Variants in ATP11C observed in about 807,000 individuals in gnomAD.
ATP11C encodes the protein ATPase phospholipid transporting 11C (ATP11C blood group), also known as phospholipid-transporting ATPase IG.
In ATP11C, 36 loss-of-function variants were observed where a neutral mutation model predicts 97.4. That is an observed-to-expected ratio of 0.37 (90% CI 0.28 to 0.49). The LOEUF is 0.49. ATP11C is among the 20% of genes least tolerant of loss of function. The pLI, the probability that ATP11C is intolerant of heterozygous loss-of-function variation, is 0.98. For synonymous variants in ATP11C, 275 were observed against 290.9 expected (o/e 0.95, Z 0.56); for missense variants, 730 against 824.6 (o/e 0.89, Z 1.40).
At chrX:139,798,938 G>C (rs963930571) in intron 8 of ATP11C, among the ~76,000 whole-genome samples, 195 bp from the exon 9 acceptor site, 2 of 110,960 alleles carry the variant, frequency 1.8e-5, no homozygotes, top group African/African-American at 6.6e-5. Context: ...AGCACAGATG[G>C]AAGCACAGTA....
At chrX:139,803,362 C>A (rs1174086332) in intron 6 of ATP11C, among the ~76,000 whole-genome samples, 1 of 111,375 alleles carries the variant, frequency 9.0e-6, no homozygotes, top group Non-Finnish European at 1.9e-5. Flanking sequence ...TTCTTTTTTA[C>A]ATACTGAGTC....
rs780866932 is a variant in ATP11C at position 139,880,331 on chromosome X, G to A, written c.27+51685C>T. Reference sequence around the variant, plus strand: ...GTGATTTCAGATTTGGACATAGTGAGTATGAGATGTCTTTGGGAATTCAAA... The same window carrying A: ...GTGATTTCAGATTTGGACATAGTGAATATGAGATGTCTTTGGGAATTCAAA... On this transcript the variant is annotated intron_variant, in intron 1 of 29. Transcript: ENST00000682941. Among the ~76,000 whole-genome samples, 3 of 111,899 alleles carry A rather than the reference G, an allele frequency of 2.7e-5. No individual in the cohort carries two copies. In the Admixed American group the frequency reaches 2.9e-4, roughly 11 times the overall value.
At chrX:139,821,088 T>C (rs2083400118) in intron 2 of ATP11C, among the ~76,000 whole-genome samples, 1 of 111,436 alleles carries the variant, frequency 9.0e-6, no homozygotes, top group Non-Finnish European at 1.9e-5. Context: ...CCTTTCAGTT[T>C]AAAAAGGCTT....
intron 1 of ATP11C, among the ~76,000 whole-genome samples, chrX:139,924,386 T>G (rs895488465): frequency 8.9e-6 from 1 of 112,191 alleles, no homozygotes; most frequent in Non-Finnish European, 1.9e-5. Context: ...GCTGTACTGC[T>G]GATTAGCTTA....
At position 139,758,652 on chromosome X, in the gene ATP11C, T is replaced by C. The variant is rs142367941; in HGVS notation, c.2641-785A>G. ...TGTGATTATAAAATACTGAAAGTAATGTCTTTAAGCAAAACTACCAGCACG... is the reference window on the plus strand; with the variant it reads ...TGTGATTATAAAATACTGAAAGTAACGTCTTTAAGCAAAACTACCAGCACG... On this transcript the variant is annotated intron_variant, in intron 22 of 29. Coordinates refer to ENST00000682941, the MANE Select transcript of ATP11C (RefSeq NM_001353812.2). Among the ~76,000 whole-genome samples, 649 of 112,290 alleles carry C rather than the reference T, an allele frequency of 5.8e-3. 2 individuals carry two copies. Among genetic ancestry groups the C allele is most frequent in the Non-Finnish European group, 9.4e-3 (501 of 53,283 alleles).
intron 1 of ATP11C, among the ~76,000 whole-genome samples, chrX:139,898,711 C>T (rs112503902): frequency 2.3e-4 from 26 of 112,015 alleles, no homozygotes; most frequent in African/African-American, 8.4e-4. Context: ...CAACTGCATA[C>T]ACCTGTCTCC....
chrX:139,892,709 G>A (rs185390633), intron 1 of ATP11C, among the ~76,000 whole-genome samples: 8 of 111,751 alleles, frequency 7.2e-5, no homozygotes, highest in Admixed American at 1.9e-4. Context: ...ACAAAAACAT[G>A]ACCACACAAA....
chrX:139,783,413 A>C, intron 16 of ATP11C, 146 bp from the exon 17 acceptor site: 1 of 381,148 alleles, frequency 2.6e-6, no homozygotes, highest in Non-Finnish European at 4.5e-6. Context: ...TGGAATGAGA[A>C]ATCTTGGCCT....
intron 1 of ATP11C, among the ~76,000 whole-genome samples, chrX:139,916,880 C>CAA (rs1433478838): frequency 1.8e-5 from 2 of 111,484 alleles, no homozygotes; most frequent in Admixed American, 9.6e-5. Context: ...AATATGTAAT[C>CAA]AAAGTAATCA....
At chrX:139,936,220 C>T (rs977708406), upstream of ATP11C, among the ~76,000 whole-genome samples, 12 of 111,501 alleles carry the variant, frequency 1.1e-4, no homozygotes, top group Admixed American at 6.7e-4. Flanking sequence ...TATCCAAACT[C>T]AACCTGAAAT....
chrX:139,798,539 C>T, intron 9 of ATP11C, 140 bp downstream of exon 9: 3 of 542,117 alleles, frequency 5.5e-6, no homozygotes, highest in Non-Finnish European at 8.9e-6. Flanking sequence ...TCTTAGTTTA[C>T]CACGTTATAA....
At chrX:139,873,297 T>C (rs935347894) in intron 1 of ATP11C, among the ~76,000 whole-genome samples, 3 of 112,448 alleles carry the variant, frequency 2.7e-5, no homozygotes, top group Non-Finnish European at 5.6e-5. Flanking sequence ...GGGAAGTTTA[T>C]TGTTTAATGA....
At chrX:139,805,139 G>C (rs1488431641) in intron 5 of ATP11C, among the ~76,000 whole-genome samples, 2 of 110,852 alleles carry the variant, frequency 1.8e-5, no homozygotes, top group Non-Finnish European at 3.8e-5. Context: ...TTTTTCTATA[G>C]GTCACTTTCT....
intron 1 of ATP11C, among the ~76,000 whole-genome samples, chrX:139,898,317 G>C: frequency 9.0e-6 from 1 of 111,726 alleles, no homozygotes; most frequent in East Asian, 2.8e-4. Flanking sequence ...TATTAAGAAA[G>C]GAATTAGGAA....
chrX:139,817,018 A>T, intron 3 of ATP11C, 75 bp from the exon 4 acceptor site: 1 of 581,841 alleles, frequency 1.7e-6, no homozygotes, highest in Non-Finnish European at 2.7e-6. Flanking sequence ...ACATGCTGCA[A>T]ACATTTCAAA....
intron 1 of ATP11C, among the ~76,000 whole-genome samples, chrX:139,902,289 G>A (rs895260865): frequency 2.1e-4 from 23 of 110,655 alleles, no homozygotes; most frequent in African/African-American, 6.6e-4. Flanking sequence ...GCTGTACCCC[G>A]ACCACCTTGC....
At chrX:139,784,270 T>C (rs752445495) in intron 16 of ATP11C, among the ~76,000 whole-genome samples, 1 of 107,658 alleles carries the variant, frequency 9.3e-6, no homozygotes, top group Non-Finnish European at 1.9e-5. Flanking sequence ...AAATGTTGTG[T>C]TTTTTTTTTC....
intron 6 of ATP11C, among the ~76,000 whole-genome samples, 186 bp from the exon 7 acceptor site, chrX:139,802,525 A>G (rs1423826232): frequency 8.9e-6 from 1 of 112,259 alleles, no homozygotes; most frequent in Admixed American, 9.5e-5. Flanking sequence ...ACAAATAATT[A>G]GAAAGATAAC....
intron 1 of ATP11C, among the ~76,000 whole-genome samples, chrX:139,916,781 C>T (rs1326112787): frequency 1.8e-5 from 2 of 111,224 alleles, no homozygotes; most frequent in Non-Finnish European, 3.8e-5. Context: ...CATATGGAAT[C>T]TTAAGGCACC....
Sources: gnomAD v4.1 joint callset for allele counts (sites outside exome capture counted in the v4.1 genomes callset) on GRCh38, gnomAD v4.1.1 for gene constraint, MANE v1.5 for transcripts, NCBI Gene and HGNC (gene_info 2026-07-23, HGNC 2026-07-21) for gene names.